PPM1H: variants seen among roughly 807,000 people sequenced by gnomAD.
PPM1H encodes the protein protein phosphatase, Mg2+/Mn2+ dependent 1H, also known as protein phosphatase 1H.
A neutral mutation model predicts 54.9 loss-of-function variants in PPM1H; 27 were observed. The observed-to-expected ratio is 0.49, with a 90% confidence interval of 0.36 to 0.68. PPM1H has a LOEUF of 0.68. Among genes scored for constraint, PPM1H ranks in the 30% least tolerant of loss-of-function variants. PPM1H has a pLI of 0.00. For synonymous variants in PPM1H, 305 were observed against 270.8 expected (o/e 1.13, Z -1.24); for missense variants, 596 against 667.8 (o/e 0.89, Z 1.19).
chr12:62,703,487 C>G (rs2076155630), intron 6 of PPM1H, among the ~76,000 whole-genome samples: 1 of 151,612 alleles, frequency 6.6e-6, no homozygotes, highest in Non-Finnish European at 1.5e-5. Flanking sequence ...CCTAGCCCGG[C>G]AGAGGCACAT....
At chr12:62,832,710 C>CA (rs1298276258) in intron 1 of PPM1H, among the ~76,000 whole-genome samples, 2 of 152,180 alleles carry the variant, frequency 1.3e-5, no homozygotes, top group African/African-American at 4.8e-5. Flanking sequence ...TATCAAGGTA[C>CA]ATGGCAGTAA....
Position 62,801,478 on chromosome 12 carries a change from C to T in PPM1H, c.756+338G>A, listed in dbSNP as rs546704019. On this transcript the variant is annotated intron_variant, in intron 3 of 9. Transcript: ENST00000228705. ...GATTACAGGCAACGGCCATCATGCCCGGCTAATTTTTGTATTTTTGTAGAG... is the reference window on the plus strand; with the variant it reads ...GATTACAGGCAACGGCCATCATGCCTGGCTAATTTTTGTATTTTTGTAGAG... 2.0e-5 allele frequency among the ~76,000 whole-genome samples: 3 copies of T among 152,198 alleles called. No individual in the cohort carries two copies. The East Asian group carries it at 5.8e-4, about 29-fold the overall frequency.
chr12:62,802,076 GC>G lies in PPM1H; in HGVS notation c.495del (p.Leu166CysfsTer16). The G allele has an allele frequency of 1.9e-6, 3 of 1,612,658 alleles. No homozygotes were observed. The highest frequency in any genetic ancestry group is 2.5e-6 in the Non-Finnish European group (3 of 1,179,416). ...GSGAAVVASR[L>X]LQHHITEQLQ... The stretch of plus-strand genomic sequence containing the variant: ...AGCTGCTCCGTGATGTGGTGCTGCA[GC>G]AGGCGTGACGCCACCACCGCGGCCC... On this transcript the variant is annotated frameshift_variant, in exon 3 of 10. Coordinates refer to ENST00000228705, the MANE Select transcript of PPM1H (RefSeq NM_020700.2). LOFTEE classifies it high-confidence loss of function.
At chr12:62,916,623 A>AT (rs1353015800) in intron 1 of PPM1H, among the ~76,000 whole-genome samples, 1,743 of 147,554 alleles carry the variant, frequency 0.012, 8 homozygotes, top group East Asian at 0.027. Context: ...CACCAAGAGT[A>AT]TTTTTTTTTT....
At chr12:62,671,739 A>T (rs1046088447) in intron 8 of PPM1H, among the ~76,000 whole-genome samples, 1 of 152,038 alleles carries the variant, frequency 6.6e-6, no homozygotes, top group Non-Finnish European at 1.5e-5. Context: ...CACCTCCCCA[A>T]CCTTCTTTTG....
intron 2 of PPM1H, among the ~76,000 whole-genome samples, chr12:62,817,152 T>TAAAAAAAAAAAAAAAAAAAA (rs2076873724): frequency 7.9e-5 from 5 of 63,142 alleles, no homozygotes; most frequent in Non-Finnish European, 1.2e-4. Flanking sequence ...AAAAAAAAAC[T>TAAAAAAAAAAAAAAAAAAAA]AAAAAAAAGA....
chr12:62,723,901 G>A (rs1409408830), intron 5 of PPM1H, among the ~76,000 whole-genome samples: 1 of 152,112 alleles, frequency 6.6e-6, no homozygotes, highest in Non-Finnish European at 1.5e-5. Context: ...GGGCATTTGA[G>A]GGAACAGGAG....
At chr12:62,784,815 G>C (rs115991474) in intron 4 of PPM1H, among the ~76,000 whole-genome samples, 331 of 152,314 alleles carry the variant, frequency 2.2e-3, no homozygotes, top group African/African-American at 7.7e-3. Flanking sequence ...GATGATATCA[G>C]TATCTATTGT....
intron 2 of PPM1H, among the ~76,000 whole-genome samples, chr12:62,802,668 A>ATTCTCATGCCTCAGTC (rs2076778279): frequency 6.6e-6 from 1 of 151,318 alleles, no homozygotes; most frequent in South Asian, 2.1e-4. Context: ...GGTTCAAGCG[A>ATTCTCATGCCTCAGTC]TTCTCATGCC....
At chr12:62,792,671 T>C (rs1291609245) in intron 3 of PPM1H, among the ~76,000 whole-genome samples, 1 of 152,228 alleles carries the variant, frequency 6.6e-6, no homozygotes, top group African/African-American at 2.4e-5. Context: ...CTATTTCTTC[T>C]AAAACCGTGT....
chr12:62,929,850 T>A (rs1314762235), intron 1 of PPM1H, among the ~76,000 whole-genome samples: 2 of 152,198 alleles, frequency 1.3e-5, no homozygotes, highest in African/African-American at 4.8e-5. Context: ...TCTGGACTTG[T>A]AACTCATCTG....
chr12:62,746,316 T>G (rs138509794), intron 4 of PPM1H, among the ~76,000 whole-genome samples: 2 of 152,246 alleles, frequency 1.3e-5, no homozygotes, highest in Non-Finnish European at 2.9e-5. Flanking sequence ...CTTGAAACTA[T>G]GCCCACAGGC....
At chr12:62,805,334 T>C (rs887175158) in intron 2 of PPM1H, among the ~76,000 whole-genome samples, 1 of 152,160 alleles carries the variant, frequency 6.6e-6, no homozygotes, top group South Asian at 2.1e-4. Context: ...AGAACCATCA[T>C]ATAAAGCAAT....
intron 2 of PPM1H, among the ~76,000 whole-genome samples, chr12:62,807,277 T>C (rs2076810268): frequency 6.6e-6 from 1 of 152,234 alleles, no homozygotes; most frequent in Non-Finnish European, 1.5e-5. Flanking sequence ...AATCAATTTA[T>C]GTTTTTAAAA....
intron 9 of PPM1H, among the ~76,000 whole-genome samples, chr12:62,657,938 C>T (rs1394317206): frequency 6.6e-6 from 1 of 151,262 alleles, no homozygotes; most frequent in East Asian, 2.0e-4. Flanking sequence ...TCATTAGAGA[C>T]ATACTCTGTA....
chr12:62,914,234 TCCTCTCTTGCCATGTGA>T (rs1348621595), intron 1 of PPM1H, among the ~76,000 whole-genome samples: 1 of 152,192 alleles, frequency 6.6e-6, no homozygotes, highest in Non-Finnish European at 1.5e-5. Context: ...GCACCTCCTT[TCCTCTCTTGCCATGTGA>T]CCTCTGCACA....
intron 9 of PPM1H, among the ~76,000 whole-genome samples, chr12:62,649,223 T>A (rs1241166109): frequency 8.3e-6 from 1 of 120,626 alleles, no homozygotes; most frequent in Non-Finnish European, 1.9e-5. Flanking sequence ...ATTTATTTAA[T>A]TTTTTTTTTT....
chr12:62,718,075 C>T (rs1037062157), intron 6 of PPM1H, among the ~76,000 whole-genome samples: 1 of 152,206 alleles, frequency 6.6e-6, no homozygotes, highest in Non-Finnish European at 1.5e-5. Context: ...CAACATTGAT[C>T]TCCCCACTTC....
Position 62,697,645 on chromosome 12 carries a change from G to A in PPM1H, c.1074-3646C>T, listed in dbSNP as rs531157441. Reference sequence around the variant, plus strand: ...CTTCTTTCTCATTTGGGGGAAGATAGGAGAGTGAAGCTTGAGAGCTCCAAG... The same window carrying A: ...CTTCTTTCTCATTTGGGGGAAGATAAGAGAGTGAAGCTTGAGAGCTCCAAG... On this transcript the variant is annotated intron_variant, in intron 6 of 9. Transcript: ENST00000228705. 2.0e-5 allele frequency among the ~76,000 whole-genome samples: 3 copies of A among 152,268 alleles called. No individual in the cohort carries two copies. In the East Asian group the frequency reaches 5.8e-4, roughly 29 times the overall value.
Sources: gnomAD v4.1 joint callset for allele counts (sites outside exome capture counted in the v4.1 genomes callset) on GRCh38, gnomAD v4.1.1 for gene constraint, MANE v1.5 for transcripts, NCBI Gene and HGNC (gene_info 2026-07-23, HGNC 2026-07-21) for gene names.